The following HPSE2 variants were observed in gnomAD, a reference collection of about 807,000 sequenced individuals.
HPSE2 encodes the protein inactive heparanase-2.
A neutral mutation model predicts 60.5 loss-of-function variants in HPSE2; 38 were observed. The observed-to-expected ratio is 0.63, with a 90% confidence interval of 0.48 to 0.82. The LOEUF (loss-of-function observed/expected upper bound fraction) is 0.82. Among genes scored for constraint, HPSE2 ranks in the 40% least tolerant of loss-of-function variants. The pLI is 0.00. For missense variants in HPSE2, 713 were observed against 740.4 expected, an observed-to-expected ratio of 0.96 and a Z score of 0.43; for synonymous variants, 295 against 293.2, an observed-to-expected ratio of 1.01 and a Z score of -0.06.
intron 9 of HPSE2, among the ~76,000 whole-genome samples, chr10:98,543,814 C>A (rs1156823924): frequency 6.6e-6 from 1 of 152,116 alleles, no homozygotes; most frequent in Admixed American, 6.5e-5. Context: ...TACAGGAGCA[C>A]CCAGATTCAT....
intron 2 of HPSE2, among the ~76,000 whole-genome samples, chr10:99,229,160 G>A (rs1175367115): frequency 1.3e-5 from 2 of 150,144 alleles, no homozygotes; most frequent in Middle Eastern, 3.4e-3. Flanking sequence ...GGCAAAAGAG[G>A]AGACTCCATA....
At chr10:99,232,180 G>A (rs905046383) in intron 2 of HPSE2, among the ~76,000 whole-genome samples, 168 bp downstream of exon 2, 7 of 150,532 alleles carry the variant, frequency 4.7e-5, no homozygotes, top group African/African-American at 1.7e-4. Flanking sequence ...GTGCAACCAG[G>A]CTCTCCAAAT....
At chr10:98,582,951 C>T (rs1367529707) in intron 9 of HPSE2, among the ~76,000 whole-genome samples, 1 of 152,076 alleles carries the variant, frequency 6.6e-6, no homozygotes, top group East Asian at 1.9e-4. Flanking sequence ...AATCCCTGGC[C>T]CCAGGTAATC....
chr10:98,928,485 C>T lies in HPSE2; in HGVS notation c.611-184429G>A, dbSNP rs28807719. Among the ~76,000 whole-genome samples, 11 of 107,918 alleles carry T rather than the reference C, an allele frequency of 1.0e-4. 1 individual carries two copies. The highest frequency in any genetic ancestry group is 3.6e-4 in the African/African-American group (8 of 22,222). 70.8% of individuals were successfully genotyped at this position (107,918 alleles called of 152,430 possible). A position where few individuals can be genotyped will look rare whatever the true frequency, so the allele number is the denominator to read the frequency against. On this transcript the variant is annotated intron_variant, in intron 3 of 11. Transcript: ENST00000370552. ...ACCATTTGACCCAGCCATCCCATTA[C>T]TGGGTATATACCCAAAGGACTATAA... is the stretch of plus-strand genomic sequence containing the variant.
At chr10:98,513,742 G>A (rs1409306255) in intron 9 of HPSE2, among the ~76,000 whole-genome samples, 1 of 152,144 alleles carries the variant, frequency 6.6e-6, no homozygotes, top group Non-Finnish European at 1.5e-5. Context: ...TCAACAACTT[G>A]GAGAGTCAGA....
intron 3 of HPSE2, among the ~76,000 whole-genome samples, chr10:98,864,576 C>G (rs577871821): frequency 1.3e-5 from 2 of 152,196 alleles, no homozygotes; most frequent in South Asian, 2.1e-4. Context: ...ATAAAGTTAT[C>G]CAGTTCATTA....
chr10:99,161,062 A>T (rs116428020), intron 2 of HPSE2, among the ~76,000 whole-genome samples: 2 of 151,854 alleles, frequency 1.3e-5, no homozygotes, highest in African/African-American at 4.8e-5. Flanking sequence ...CTGTACAAAA[A>T]ATTTAAAAAT....
At chr10:98,522,003 G>A (rs1942810143) in intron 9 of HPSE2, among the ~76,000 whole-genome samples, 1 of 152,052 alleles carries the variant, frequency 6.6e-6, no homozygotes, top group South Asian at 2.1e-4. Flanking sequence ...GGCTGGGGGA[G>A]GGAAAAGCAT....
chr10:98,522,831 G>GA (rs1436705867), intron 9 of HPSE2, among the ~76,000 whole-genome samples: 1 of 152,208 alleles, frequency 6.6e-6, no homozygotes, highest in East Asian at 1.9e-4. Flanking sequence ...AGAAAAGGCA[G>GA]AAGTCCTGCA....
intron 3 of HPSE2, among the ~76,000 whole-genome samples, chr10:98,791,964 T>C (rs906039791): frequency 1.3e-5 from 2 of 152,196 alleles, no homozygotes; most frequent in African/African-American, 4.8e-5. Flanking sequence ...ATTACCCCGT[T>C]CTCAATAGTT....
chr10:98,639,143 C>T (rs1354500448), intron 7 of HPSE2, among the ~76,000 whole-genome samples: 2 of 152,160 alleles, frequency 1.3e-5, no homozygotes, highest in Admixed American at 6.5e-5. Flanking sequence ...AGTGATACAG[C>T]ATCACGTGTC....
At position 98,457,469 on chromosome 10, in the gene HPSE2, A is replaced by C. The variant is rs977314083; in HGVS notation, c.*2105T>G. 6.6e-6 allele frequency: 1 copy of C among 152,220 alleles called. No individual in the cohort carries two copies. Among genetic ancestry groups the C allele is most frequent in the Non-Finnish European group, 1.5e-5 (1 of 68,048 alleles). 9.4% of individuals were successfully genotyped at this position (152,220 alleles called of 1,614,324 possible). A position where few individuals can be genotyped will look rare whatever the true frequency, so the allele number is the denominator to read the frequency against. ...GTACCCCTTTATCATGGGGTTACTAAGGACGCAAAGCAAACCATAGGTCCC... is the reference window on the plus strand; with the variant it reads ...GTACCCCTTTATCATGGGGTTACTACGGACGCAAAGCAAACCATAGGTCCC... On this transcript the variant is annotated 3_prime_UTR_variant, in exon 12 of 12. Transcript: ENST00000370552.
At chr10:98,702,295 A>G (rs1047386705) in intron 5 of HPSE2, among the ~76,000 whole-genome samples, 2 of 152,142 alleles carry the variant, frequency 1.3e-5, no homozygotes, top group Non-Finnish European at 2.9e-5. Context: ...ATACAGAAGC[A>G]CCCAGATTCA....
intron 2 of HPSE2, among the ~76,000 whole-genome samples, chr10:99,222,516 T>G (rs12775048): frequency 0.078 from 11,827 of 152,224 alleles, 607 homozygotes; most frequent in South Asian, 0.18. Flanking sequence ...CAGAGTATGG[T>G]TCAGTGTATA....
intron 3 of HPSE2, among the ~76,000 whole-genome samples, chr10:99,081,031 T>C (rs1843116797): frequency 6.6e-6 from 1 of 152,220 alleles, no homozygotes; most frequent in Non-Finnish European, 1.5e-5. Context: ...CCTGACCTCG[T>C]GATCCACCCA....
At chr10:98,651,258 A>G (rs1213457253) in intron 6 of HPSE2, among the ~76,000 whole-genome samples, 1 of 152,226 alleles carries the variant, frequency 6.6e-6, no homozygotes, top group East Asian at 1.9e-4. Flanking sequence ...ATGTGTGTGC[A>G]TACAAGCATG....
chr10:98,550,726 G>A (rs935084389), intron 9 of HPSE2, among the ~76,000 whole-genome samples: 3 of 151,740 alleles, frequency 2.0e-5, no homozygotes, highest in South Asian at 2.1e-4. Flanking sequence ...TGCCCGCCTC[G>A]GCCTCCCAAA....
intron 9 of HPSE2, among the ~76,000 whole-genome samples, chr10:98,582,083 A>C (rs1944814932): frequency 6.6e-6 from 1 of 152,204 alleles, no homozygotes. Flanking sequence ...ATCCTCCTGC[A>C]CTTAAACAGA....
chr10:98,494,256 C>T (rs868821116), intron 9 of HPSE2, among the ~76,000 whole-genome samples: 2 of 152,174 alleles, frequency 1.3e-5, no homozygotes, highest in Non-Finnish European at 2.9e-5. Flanking sequence ...TATAACCTGA[C>T]GCATCCACCC....
Sources: allele counts gnomAD v4.1 joint callset (sites outside exome capture counted in the v4.1 genomes callset), GRCh38; gene constraint gnomAD v4.1.1; transcripts MANE v1.5; gene names NCBI Gene and HGNC (gene_info 2026-07-23, HGNC 2026-07-21).